Variants in MCC observed in about 807,000 individuals in gnomAD.
MCC encodes the protein MCC regulator of Wnt signaling pathway, also known as colorectal mutant cancer protein.
In MCC, 90 loss-of-function variants were observed where a neutral mutation model predicts 116.2. The ratio of observed to expected loss-of-function variants is 0.77; its 90% CI spans 0.65 to 0.92. The LOEUF is 0.92. Among genes scored for constraint, MCC ranks in the 40% least tolerant of loss-of-function variants. The pLI, the probability that MCC is intolerant of heterozygous loss-of-function variation, is 0.00. For missense variants in MCC, 1,516 were observed against 1,312.2 expected (o/e 1.16, Z -2.40); for synonymous variants, 578 against 510.5 (o/e 1.13, Z -1.78).
chr5:113,173,413 A>G (rs1338884396), intron 3 of MCC, among the ~76,000 whole-genome samples: 1 of 152,216 alleles, frequency 6.6e-6, no homozygotes, highest in Non-Finnish European at 1.5e-5. Context: ...CTAAATGACA[A>G]TATTATGTTT....
At position 113,027,534 on chromosome 5, in the gene MCC, G is replaced by A. The variant is rs150309563; in HGVS notation, c.2880-52C>T. Reference sequence around the variant, plus strand: ...ATTAAGATTCATCCTAAGTAGCATCGTGACACCATCCTGTCCACTGGATAA... The same window carrying A: ...ATTAAGATTCATCCTAAGTAGCATCATGACACCATCCTGTCCACTGGATAA... On this transcript the variant is annotated intron_variant, in intron 18 of 18. Coordinates refer to ENST00000408903, the MANE Select transcript of MCC (RefSeq NM_001085377.2). 9.6e-5 allele frequency: 147 copies of A among 1,527,492 alleles called. No homozygotes were observed. The East Asian group carries it at 2.7e-3, about 28-fold the overall frequency. The allele number at this position is 1,527,492 out of a possible 1,614,324, so 94.6% of individuals were successfully genotyped here. A position where few individuals can be genotyped will look rare whatever the true frequency, so the allele number is the denominator to read the frequency against.
At chr5:113,288,226 G>A (rs1027110816) in intron 3 of MCC, among the ~76,000 whole-genome samples, 4 of 152,104 alleles carry the variant, frequency 2.6e-5, no homozygotes, top group African/African-American at 4.8e-5. Flanking sequence ...CCCAAGCCTC[G>A]GCACTCTGCA....
At chr5:113,052,237 A>T (rs974825510) in intron 15 of MCC, among the ~76,000 whole-genome samples, 1 of 152,156 alleles carries the variant, frequency 6.6e-6, no homozygotes, top group South Asian at 2.1e-4. Flanking sequence ...AAGAAACACA[A>T]TGTTTGGAAC....
intron 3 of MCC, among the ~76,000 whole-genome samples, chr5:113,303,326 G>A: frequency 6.6e-6 from 1 of 152,222 alleles, no homozygotes. Context: ...ACTTATCCTT[G>A]AGATCCTTAA....
intron 11 of MCC, among the ~76,000 whole-genome samples, chr5:113,081,981 G>A (rs143964965): frequency 6.6e-6 from 1 of 152,318 alleles, no homozygotes; most frequent in African/African-American, 2.4e-5. Flanking sequence ...AAGATTGGTA[G>A]GTCAAGGCAG....
chr5:113,237,986 T>C (rs1430381606), intron 3 of MCC, among the ~76,000 whole-genome samples: 2 of 152,028 alleles, frequency 1.3e-5, no homozygotes, highest in African/African-American at 4.8e-5. Flanking sequence ...GAAACAGAGG[T>C]GGAGGAAGCA....
intron 1 of MCC, among the ~76,000 whole-genome samples, chr5:113,455,231 T>A (rs1771509401): frequency 6.6e-6 from 1 of 152,194 alleles, no homozygotes; most frequent in Admixed American, 6.5e-5. Flanking sequence ...GATGCCCCAT[T>A]CCTGGCCGGC....
chr5:113,425,137 A>G (rs1021796975), intron 1 of MCC, among the ~76,000 whole-genome samples: 2 of 152,210 alleles, frequency 1.3e-5, no homozygotes, highest in African/African-American at 2.4e-5. Flanking sequence ...GAGAATCCCA[A>G]AAGCTTTCAG....
intron 3 of MCC, among the ~76,000 whole-genome samples, chr5:113,267,261 A>G (rs144900204): frequency 6.6e-6 from 1 of 152,138 alleles, no homozygotes; most frequent in Non-Finnish European, 1.5e-5. Context: ...TGGCACACCA[A>G]AAGTGACTTC....
intron 1 of MCC, among the ~76,000 whole-genome samples, chr5:113,396,166 A>T (rs912525995): frequency 6.6e-6 from 1 of 152,142 alleles, no homozygotes; most frequent in Non-Finnish European, 1.5e-5. Context: ...CATCTCCACA[A>T]AAAATACAAA....
intron 1 of MCC, among the ~76,000 whole-genome samples, chr5:113,414,907 G>C (rs1036703754): frequency 5.9e-5 from 9 of 152,188 alleles, no homozygotes; most frequent in Non-Finnish European, 1.2e-4. Context: ...GCTGGTACCA[G>C]TTGTTCCTTT....
At chr5:113,065,054 G>A (rs1481520586) in intron 13 of MCC, among the ~76,000 whole-genome samples, 1 of 152,142 alleles carries the variant, frequency 6.6e-6, no homozygotes, top group Non-Finnish European at 1.5e-5. Context: ...GGGGAGGAAT[G>A]AATAGGTGGA....
At chr5:113,091,967 C>T (rs1003234784) in intron 8 of MCC, among the ~76,000 whole-genome samples, 2 of 152,132 alleles carry the variant, frequency 1.3e-5, no homozygotes, top group Non-Finnish European at 2.9e-5. Flanking sequence ...TTCTGTGGGT[C>T]TGTGGGTGTT....
chr5:113,077,464 A>G (rs192265782), intron 11 of MCC, among the ~76,000 whole-genome samples: 1 of 152,146 alleles, frequency 6.6e-6, no homozygotes, highest in African/African-American at 2.4e-5. Context: ...GTCTCTCAGA[A>G]CACAGTGCAA....
At chr5:113,102,324 T>C (rs1051036313) in intron 7 of MCC, among the ~76,000 whole-genome samples, 1 of 152,242 alleles carries the variant, frequency 6.6e-6, no homozygotes, top group Admixed American at 6.5e-5. Flanking sequence ...ATCCTGGTAA[T>C]GTGAGGACAA....
intron 3 of MCC, among the ~76,000 whole-genome samples, chr5:113,271,816 T>C (rs1261864687): frequency 5.3e-5 from 8 of 152,154 alleles, no homozygotes; most frequent in Non-Finnish European, 1.0e-4. Flanking sequence ...CTGTCCATGA[T>C]GTTATGAAGC....
intron 3 of MCC, among the ~76,000 whole-genome samples, chr5:113,190,796 A>T (rs1319008046): frequency 2.6e-5 from 4 of 152,224 alleles, no homozygotes; most frequent in African/African-American, 9.6e-5. Context: ...GGATTCCCTT[A>T]CTGGGTGTGG....
chr5:113,243,624 T>C (rs979906615), intron 3 of MCC, among the ~76,000 whole-genome samples: 1 of 152,240 alleles, frequency 6.6e-6, no homozygotes, highest in African/African-American at 2.4e-5. Context: ...AGGCCAAACC[T>C]TGGTTTCTGG....
At chr5:113,401,964 C>T (rs939974562) in intron 1 of MCC, among the ~76,000 whole-genome samples, 3 of 151,930 alleles carry the variant, frequency 2.0e-5, no homozygotes, top group African/African-American at 7.3e-5. Context: ...ATCCTCCTGC[C>T]TCAGCCTCCC....
Sources: gnomAD v4.1 joint callset for allele counts (sites outside exome capture counted in the v4.1 genomes callset) on GRCh38, gnomAD v4.1.1 for gene constraint, MANE v1.5 for transcripts, NCBI Gene and HGNC (gene_info 2026-07-23, HGNC 2026-07-21) for gene names.